GREB1L: variants seen among roughly 807,000 people sequenced by gnomAD.
The protein encoded by GREB1L is GREB1-like protein.
In GREB1L, 17 loss-of-function variants were observed where a neutral mutation model predicts 200.8. The observed-to-expected ratio is 0.08, with a 90% confidence interval of 0.06 to 0.13. GREB1L has a LOEUF of 0.13. Ranked by LOEUF, GREB1L falls within the 10% of genes least tolerant of loss-of-function variation. The pLI, the probability that GREB1L is intolerant of heterozygous loss-of-function variation, is 1.00. For missense variants in GREB1L, 1,657 were observed against 2,367.7 expected, an observed-to-expected ratio of 0.70 and a Z score of 6.23; for synonymous variants, 789 against 893.0, an observed-to-expected ratio of 0.88 and a Z score of 2.08.
At position 21,522,847 on chromosome 18, in the gene GREB1L, A is replaced by AAAG; in HGVS notation, c.*28_*30dup. The AAAG allele has an allele frequency of 6.6e-7, 1 of 1,525,748 alleles. No individual in the cohort carries two copies. The highest frequency in any genetic ancestry group is 8.8e-7 in the Non-Finnish European group (1 of 1,133,560). The allele number at this position is 1,525,748 out of a possible 1,614,324, so 94.5% of individuals were successfully genotyped here. ...GCTTTTGAAGAGACCAAAACAGCAA[A>AAAG]AAGATGCCTAGGTGGGATGGGACAG... On this transcript the variant is annotated 3_prime_UTR_variant, in exon 33 of 33. Coordinates refer to ENST00000424526, the MANE Select transcript of GREB1L (RefSeq NM_001142966.3).
chr18:21,518,044 G>C lies in GREB1L; in HGVS notation c.5282G>C (p.Ser1761Thr), dbSNP rs763554338. The change falls in exon 31 of 33, where the codon AGC becomes ACC. Residue 1761 changes from serine to threonine, a missense_variant. Physicochemically the swap from Ser to Thr is moderately conservative, Grantham distance 58. This residue lies in a region of GREB1L where 190 missense variants were observed against 230.2 expected (regional missense o/e 0.83). Coordinates refer to ENST00000424526, the MANE Select transcript of GREB1L (RefSeq NM_001142966.3). ...CGCCTCTGATTTCAGGTGTCAGAGA[G>C]CTTAGCACCCATCTTGCCCCTTCAA... ...IIKPKIMVSE[S>T]LAPILPLQYI... 10 of 1,551,228 alleles carry C rather than the reference G, an allele frequency of 6.4e-6. No homozygotes were observed. In the South Asian group the frequency reaches 9.5e-5, roughly 15 times the overall value.
intron 15 of GREB1L, among the ~76,000 whole-genome samples, chr18:21,471,308 G>T (rs2035472612): frequency 6.6e-6 from 1 of 152,172 alleles, no homozygotes; most frequent in Non-Finnish European, 1.5e-5. Context: ...AGGATAGACA[G>T]GAAATACAGA....
intron 1 of GREB1L, among the ~76,000 whole-genome samples, chr18:21,243,285 C>G (rs1271982103): frequency 2.0e-5 from 3 of 152,122 alleles, no homozygotes; most frequent in Admixed American, 6.5e-5. Flanking sequence ...CAAGGAACGT[C>G]CCCGAACGCG....
At chr18:21,337,769 G>A (rs1213175629) in intron 1 of GREB1L, among the ~76,000 whole-genome samples, 3 of 151,938 alleles carry the variant, frequency 2.0e-5, no homozygotes, top group Non-Finnish European at 4.4e-5. Context: ...GGTAGATCAC[G>A]GGATCAGGAG....
intron 11 of GREB1L, among the ~76,000 whole-genome samples, chr18:21,446,291 G>T (rs1206066360): frequency 6.6e-6 from 1 of 152,170 alleles, no homozygotes; most frequent in Non-Finnish European, 1.5e-5. Flanking sequence ...TCCCAAAGTT[G>T]GGATTACAGG....
chr18:21,244,469 C>T (rs962851167), intron 1 of GREB1L, among the ~76,000 whole-genome samples: 4 of 152,122 alleles, frequency 2.6e-5, no homozygotes, highest in Non-Finnish European at 5.9e-5. Flanking sequence ...ACCCGCCACA[C>T]GACGTAACTT....
chr18:21,465,770 G>A (rs2035240246), intron 15 of GREB1L, among the ~76,000 whole-genome samples: 1 of 152,044 alleles, frequency 6.6e-6, no homozygotes, highest in African/African-American at 2.4e-5. Flanking sequence ...TTTTTAAGAA[G>A]TTTTAATTAT....
chr18:21,487,691 C>CA (rs1343539059), intron 18 of GREB1L, among the ~76,000 whole-genome samples: 1 of 152,180 alleles, frequency 6.6e-6, no homozygotes, highest in African/African-American at 2.4e-5. Context: ...CCCCTGAACT[C>CA]ATTCTCTTTC....
At chr18:21,330,274 G>T (rs911419521) in intron 1 of GREB1L, among the ~76,000 whole-genome samples, 12 of 152,160 alleles carry the variant, frequency 7.9e-5, no homozygotes, top group East Asian at 3.9e-4. Context: ...AATTGGGAAG[G>T]ATAAACAAAT....
chr18:21,243,286 C>T lies in GREB1L; in HGVS notation c.-120+893C>T, dbSNP rs542877992. ...CAGTTACATGAGTCCAAGGAACGTC[C>T]CCGAACGCGACTCGTTTGCCCGGAA... On this transcript the variant is annotated intron_variant, in intron 1 of 32. Coordinates refer to ENST00000424526, the MANE Select transcript of GREB1L (RefSeq NM_001142966.3). Among the ~76,000 whole-genome samples the T allele has an allele frequency of 5.1e-4, 78 of 152,276 alleles. No homozygotes were observed. In the South Asian group the frequency reaches 9.1e-3, roughly 18 times the overall value.
chr18:21,341,632 C>G (rs1014946915), intron 1 of GREB1L, among the ~76,000 whole-genome samples: 1 of 152,140 alleles, frequency 6.6e-6, no homozygotes, highest in Non-Finnish European at 1.5e-5. Flanking sequence ...CTTAGCATCC[C>G]AAAGCACTGG....
chr18:21,301,828 C>T (rs2038622101), intron 1 of GREB1L, among the ~76,000 whole-genome samples: 1 of 152,046 alleles, frequency 6.6e-6, no homozygotes, highest in Non-Finnish European at 1.5e-5. Flanking sequence ...TAAAAATGGC[C>T]AGTTCTAATA....
In GREB1L at chr18:21,454,770, G is replaced by A. The variant is rs3794937; in HGVS notation, c.2182+207G>A. 737 of 580,672 alleles carry A rather than the reference G, an allele frequency of 1.3e-3. 10 individuals carry two copies. In the East Asian group the frequency reaches 0.02, roughly 16 times the overall value. The allele number at this position is 580,672 out of a possible 1,614,324, so 36.0% of individuals were successfully genotyped here. A position where few individuals can be genotyped will look rare whatever the true frequency, so the allele number is the denominator to read the frequency against. ...TTTCCCTCAAGGTCAAGGGTAAATT[G>A]TTGTGCATGTTTGCCAGGTATCATT... On this transcript the variant is annotated intron_variant, in intron 15 of 32. Coordinates refer to ENST00000424526, the MANE Select transcript of GREB1L (RefSeq NM_001142966.3).
intron 4 of GREB1L, among the ~76,000 whole-genome samples, chr18:21,385,779 A>G (rs1297849116): frequency 6.6e-6 from 1 of 152,206 alleles, no homozygotes; most frequent in East Asian, 1.9e-4. Flanking sequence ...TTGGATTCCC[A>G]TTGAGAATCT....
intron 11 of GREB1L, among the ~76,000 whole-genome samples, chr18:21,448,663 G>T (rs532097423): frequency 6.6e-6 from 1 of 152,342 alleles, no homozygotes; most frequent in East Asian, 1.9e-4. Flanking sequence ...CACAGCAAAA[G>T]AAATGATTGA....
chr18:21,498,274 G>A (rs1367807691), intron 21 of GREB1L, among the ~76,000 whole-genome samples: 1 of 152,088 alleles, frequency 6.6e-6, no homozygotes, highest in Non-Finnish European at 1.5e-5. Context: ...AGAAGAGGAG[G>A]GGTCTGTGGG....
At chr18:21,434,523 GTGTGTGTGTATATATA>G (rs2033398662) in intron 7 of GREB1L, among the ~76,000 whole-genome samples, 3 of 129,044 alleles carry the variant, frequency 2.3e-5, no homozygotes, top group African/African-American at 1.1e-4. Flanking sequence ...GTGTGTGTGT[GTGTGTGTGTATATATA>G]TGTGTATATA....
At chr18:21,513,344 A>AT (rs2037306890) in intron 27 of GREB1L, among the ~76,000 whole-genome samples, 1 of 152,214 alleles carries the variant, frequency 6.6e-6, no homozygotes, top group South Asian at 2.1e-4. Context: ...AGCAGGGGAC[A>AT]TATCAGTGGA....
At chr18:21,451,304 C>A in intron 13 of GREB1L, 153 bp downstream of exon 13, 1 of 786,598 alleles carries the variant, frequency 1.3e-6, no homozygotes, top group Non-Finnish European at 2.0e-6. Context: ...GTCACTAACA[C>A]CACAGGAAGC....
Sources: gnomAD v4.1 joint callset for allele counts (sites outside exome capture counted in the v4.1 genomes callset) on GRCh38, gnomAD v4.1.1 for gene constraint, gnomAD v4.1.1 regional missense constraint, MANE v1.5 for transcripts, NCBI Gene and HGNC (gene_info 2026-07-23, HGNC 2026-07-21) for gene names.